Variants in VWC2 observed in about 807,000 individuals in gnomAD.
VWC2 encodes brorin.
Under a neutral mutation model 29.8 loss-of-function variants are expected in VWC2, and 14 were observed. The ratio of observed to expected loss-of-function variants is 0.47; its 90% confidence interval spans 0.31 to 0.74. The LOEUF (loss-of-function observed/expected upper bound fraction) is 0.74, where lower values mean the gene tolerates loss of function less well. Ranked by LOEUF, VWC2 falls within the 30% of genes least tolerant of loss-of-function variation. VWC2 has a pLI of 0.05. For synonymous variants in VWC2, 213 were observed against 199.0 expected, an observed-to-expected ratio of 1.07 and a Z score of -0.59; for missense variants, 457 against 459.8, an observed-to-expected ratio of 0.99 and a Z score of 0.05.
intron 2 of VWC2, among the ~76,000 whole-genome samples, chr7:49,783,388 T>C (rs1004410718): frequency 6.6e-6 from 1 of 152,090 alleles, no homozygotes; most frequent in African/African-American, 2.4e-5. Context: ...TGATGGCTTG[T>C]TTTTAAATGA....
chr7:49,875,466 C>A (rs1306095978), intron 3 of VWC2, among the ~76,000 whole-genome samples: 2 of 146,990 alleles, frequency 1.4e-5, no homozygotes, highest in Non-Finnish European at 3.0e-5. Context: ...AAGGTCAGTT[C>A]ACTCACAATG....
At chr7:49,774,287 G>A (rs1486287506) in intron 1 of VWC2, among the ~76,000 whole-genome samples, 174 bp downstream of exon 1, 3 of 152,146 alleles carry the variant, frequency 2.0e-5, no homozygotes, top group African/African-American at 7.2e-5. Context: ...CAGGGACCGG[G>A]CAGGGGGTCA....
At chr7:49,865,664 C>G (rs1312603207) in intron 3 of VWC2, among the ~76,000 whole-genome samples, 1 of 152,162 alleles carries the variant, frequency 6.6e-6, no homozygotes, top group Non-Finnish European at 1.5e-5. Context: ...GTCCCATTGT[C>G]CAAAGCAAGT....
At chr7:49,843,507 A>G (rs1474470639) in intron 3 of VWC2, among the ~76,000 whole-genome samples, 3 of 152,250 alleles carry the variant, frequency 2.0e-5, no homozygotes, top group Non-Finnish European at 2.9e-5. Flanking sequence ...ACAAGCACTA[A>G]TTCACGATAA....
intron 2 of VWC2, among the ~76,000 whole-genome samples, chr7:49,794,276 A>G (rs1278339509): frequency 1.3e-5 from 2 of 152,196 alleles, no homozygotes; most frequent in Non-Finnish European, 1.5e-5. Flanking sequence ...TGCATGAAAT[A>G]CTATCATTTG....
rs150538030 is a variant in VWC2, at chr7:49,836,421, G to T, written c.826+33581G>T. 4.5e-3 allele frequency among the ~76,000 whole-genome samples: 665 copies of T among 148,296 alleles called. 3 individuals are homozygous for T. The highest frequency in any genetic ancestry group is 0.015 in the African/African-American group (612 of 40,084). On this transcript the variant is annotated intron_variant, in intron 3 of 3. Transcript: ENST00000340652. ...AAGTGGGCAGATCACTTGAGGTAGC[G>T]AGTTCAAAACCAGTCTGGCCAACAT...
intron 3 of VWC2, among the ~76,000 whole-genome samples, chr7:49,839,472 T>G (rs1789743543): frequency 6.6e-6 from 1 of 152,238 alleles, no homozygotes; most frequent in Non-Finnish European, 1.5e-5. Flanking sequence ...CAAAATTTCT[T>G]GTTTGAACTG....
At chr7:49,884,467 G>A (rs562449593) in intron 3 of VWC2, among the ~76,000 whole-genome samples, 1 of 152,242 alleles carries the variant, frequency 6.6e-6, no homozygotes, top group South Asian at 2.1e-4. Flanking sequence ...AATTCGGGGT[G>A]GGGTAAGAAA....
In VWC2 at chr7:49,871,313, C is replaced by T. The variant is rs541130929; in HGVS notation, c.827-40721C>T. On this transcript the variant is annotated intron_variant, in intron 3 of 3. Coordinates refer to ENST00000340652, the MANE Select transcript of VWC2 (RefSeq NM_198570.5). Reference sequence around the variant, plus strand: ...TTGATCCAAGTCGGATTCCCTGAAGCACTGTGCAATTAAAACCCCTGCGCA... The same window carrying T: ...TTGATCCAAGTCGGATTCCCTGAAGTACTGTGCAATTAAAACCCCTGCGCA... 5.3e-5 allele frequency among the ~76,000 whole-genome samples: 8 copies of T among 152,254 alleles called. No individual in the cohort carries two copies. In the East Asian group the frequency reaches 1.5e-3, roughly 29 times the overall value.
chr7:49,864,837 C>A (rs1443032691), intron 3 of VWC2, among the ~76,000 whole-genome samples: 3 of 152,182 alleles, frequency 2.0e-5, no homozygotes, highest in Non-Finnish European at 4.4e-5. Flanking sequence ...ATCAAGACTG[C>A]CTCAAAGCTT....
intron 3 of VWC2, among the ~76,000 whole-genome samples, chr7:49,812,798 G>A (rs527721881): frequency 5.3e-5 from 8 of 152,286 alleles, no homozygotes; most frequent in East Asian, 1.9e-4. Context: ...TTGGCTGCCT[G>A]TAATTGCTTG....
At chr7:49,845,854 C>A (rs561779823) in intron 3 of VWC2, among the ~76,000 whole-genome samples, 1 of 152,126 alleles carries the variant, frequency 6.6e-6, no homozygotes, top group Non-Finnish European at 1.5e-5. Flanking sequence ...GAAGGAAGAG[C>A]GAGTGAGTTA....
intron 2 of VWC2, among the ~76,000 whole-genome samples, chr7:49,793,105 T>G (rs1415327324): frequency 1.3e-5 from 2 of 152,216 alleles, no homozygotes; most frequent in Non-Finnish European, 2.9e-5. Flanking sequence ...CAGTAAAGCA[T>G]CACTAAAATC....
chr7:49,889,085 G>C (rs1378955796), intron 3 of VWC2, among the ~76,000 whole-genome samples: 1 of 152,192 alleles, frequency 6.6e-6, no homozygotes, highest in Non-Finnish European at 1.5e-5. Context: ...AGTGAGACCA[G>C]ATATACAGGG....
At position 49,921,105 on chromosome 7, in the gene VWC2, C is replaced by G. The variant is rs1225229915; in HGVS notation, c.*8920C>G. On this transcript the variant is annotated 3_prime_UTR_variant, in exon 4 of 4. Coordinates refer to ENST00000340652, the MANE Select transcript of VWC2 (RefSeq NM_198570.5). The stretch of plus-strand genomic sequence containing the variant: ...ATCAGTCACCACCTTTCCTGCATAT[C>G]TGACAGATGGAGAACACTGTGCTTA... 1.3e-5 allele frequency: 2 copies of G among 152,184 alleles called. No individual in the cohort carries two copies. The highest frequency in any genetic ancestry group is 6.5e-5 in the Admixed American group (1 of 15,274). The allele number at this position is 152,184 out of a possible 1,614,324, so 9.4% of individuals were successfully genotyped here. A position where few individuals can be genotyped will look rare whatever the true frequency, so the allele number is the denominator to read the frequency against.
intron 3 of VWC2, among the ~76,000 whole-genome samples, chr7:49,840,935 T>G (rs1397334246): frequency 6.6e-6 from 1 of 152,178 alleles, no homozygotes; most frequent in Non-Finnish European, 1.5e-5. Flanking sequence ...TGGGTTAACA[T>G]GAGTGACTTG....
chr7:49,883,045 G>A (rs1292126889), intron 3 of VWC2, among the ~76,000 whole-genome samples: 1 of 152,002 alleles, frequency 6.6e-6, no homozygotes, highest in Non-Finnish European at 1.5e-5. Flanking sequence ...TCCTCCCTGA[G>A]CTTGTCTGGG....
At chr7:49,810,728 ATATT>A (rs1788989570) in intron 3 of VWC2, among the ~76,000 whole-genome samples, 1 of 152,188 alleles carries the variant, frequency 6.6e-6, no homozygotes, top group Non-Finnish European at 1.5e-5. Flanking sequence ...AAATCTTTAC[ATATT>A]TATTTTCAAC....
At chr7:49,842,845 C>T (rs1223672653) in intron 3 of VWC2, among the ~76,000 whole-genome samples, 1 of 152,200 alleles carries the variant, frequency 6.6e-6, no homozygotes, top group African/African-American at 2.4e-5. Context: ...CATGCTTTCA[C>T]TGCATAGTAA....
Sources: gnomAD v4.1 joint callset for allele counts (sites outside exome capture counted in the v4.1 genomes callset) on GRCh38, gnomAD v4.1.1 for gene constraint, MANE v1.5 for transcripts, NCBI Gene and HGNC (gene_info 2026-07-23, HGNC 2026-07-21) for gene names.